Variants in KCNQ1 observed in about 807,000 individuals in gnomAD.
The protein encoded by KCNQ1 is potassium voltage-gated channel subfamily KQT member 1.
A neutral mutation model predicts 72.4 loss-of-function variants in KCNQ1; 49 were observed. The observed-to-expected ratio is 0.68, with a 90% CI of 0.54 to 0.86. The LOEUF is 0.86. KCNQ1 is among the 40% of genes least tolerant of loss of function. The pLI is 0.00. For missense variants in KCNQ1, 790 were observed against 945.1 expected, an observed-to-expected ratio of 0.84 and a Z score of 2.15; for synonymous variants, 450 against 412.6, an observed-to-expected ratio of 1.09 and a Z score of -1.10.
chr11:2,778,330 T>A (rs1846750469), intron 15 of KCNQ1, among the ~76,000 whole-genome samples: 1 of 152,220 alleles, frequency 6.6e-6, no homozygotes, highest in South Asian at 2.1e-4. Flanking sequence ...TCTTTCCCGC[T>A]GCCTCTCGTA....
In KCNQ1 at chr11:2,571,311, C is replaced by T. The variant is rs1284195790; in HGVS notation, c.605-14C>T. On this transcript the variant is annotated splice_polypyrimidine_tract_variant and intron_variant, in intron 3 of 15. Coordinates refer to ENST00000155840, the MANE Select transcript of KCNQ1 (RefSeq NM_000218.3). ...GGCGATCACGAAAAGCTCCCCCTCT[C>T]CTGCACTCCACAGACCTCATCGTGG... The T allele has an allele frequency of 6.2e-7, 1 of 1,611,068 alleles. No individual in the cohort carries two copies. Among genetic ancestry groups the T allele is most frequent in the Non-Finnish European group, 8.5e-7 (1 of 1,177,932 alleles).
At chr11:2,472,175 G>A (rs1366178341) in intron 1 of KCNQ1, among the ~76,000 whole-genome samples, 4 of 150,598 alleles carry the variant, frequency 2.7e-5, no homozygotes, top group Non-Finnish European at 4.4e-5. Context: ...GTGCACCTTT[G>A]TGTGTATATG....
At chr11:2,573,052 G>T in intron 6 of KCNQ1, 66 bp downstream of exon 6, 1 of 1,564,546 alleles carries the variant, frequency 6.4e-7, no homozygotes, top group South Asian at 1.2e-5. Context: ...CAGGACATCT[G>T]GGCACTGGTG....
At chr11:2,778,139 C>T in intron 15 of KCNQ1, 102 bp downstream of exon 15, 1 of 1,140,114 alleles carries the variant, frequency 8.8e-7, no homozygotes, top group Non-Finnish European at 1.3e-6. Flanking sequence ...TGCAGGCCTC[C>T]CCACCTTCCC....
rs766788451 is a variant in KCNQ1 at position 2,468,578 on chromosome 11, C to A, written c.386+23094C>A. On this transcript the variant is annotated intron_variant, in intron 1 of 15. Transcript: ENST00000155840. This position sits in a 1 kb window ranked among gnomAD's most constrained non-coding sequence, Gnocchi z 5.7. ...GTGGGCACACCCATCACCCTCACAGCGTCCCCCTGTCCCCACGACCAGGCC... is the reference window on the plus strand; with the variant it reads ...GTGGGCACACCCATCACCCTCACAGAGTCCCCCTGTCCCCACGACCAGGCC... Among the ~76,000 whole-genome samples, 2 of 152,208 alleles carry A rather than the reference C, an allele frequency of 1.3e-5. 1 individual carries two copies. The highest frequency in any genetic ancestry group is 4.1e-4 in the South Asian group (2 of 4,834).
In KCNQ1 at chr11:2,782,046, T is replaced by G. The variant is rs1242390552; in HGVS notation, c.1794+4009T>G. ...GCCCAGCCTCCCAGAATTGGGTGTT[T>G]GCCCCCAGACACTGCTACCCTTTCC... On this transcript the variant is annotated intron_variant, in intron 15 of 15. Transcript: ENST00000155840. This position sits in a 1 kb window ranked among gnomAD's most constrained non-coding sequence, Gnocchi z 6.1. Among the ~76,000 whole-genome samples the G allele has an allele frequency of 1.3e-5, 2 of 152,138 alleles. No homozygotes were observed. The highest frequency in any genetic ancestry group is 4.8e-5 in the African/African-American group (2 of 41,426).
chr11:2,641,148 T>C, intron 10 of KCNQ1: 3 of 398,544 alleles, frequency 7.5e-6, no homozygotes, highest in Non-Finnish European at 1.3e-5. Context: ...GGTACATTTT[T>C]AGTATACTGA....
At chr11:2,499,727 A>C (rs557139698) in intron 1 of KCNQ1, among the ~76,000 whole-genome samples, 105 of 152,344 alleles carry the variant, frequency 6.9e-4, no homozygotes, top group African/African-American at 2.4e-3. Flanking sequence ...AAAGAAGGTC[A>C]TTACATCATG....
rs1235761820 is a variant in KCNQ1, at chr11:2,782,333, T to C, written c.1794+4296T>C. On this transcript the variant is annotated intron_variant, in intron 15 of 15. Coordinates refer to ENST00000155840, the MANE Select transcript of KCNQ1 (RefSeq NM_000218.3). The surrounding 1 kb of genome is among the most constrained non-coding windows in gnomAD (Gnocchi z 6.1). ...TTATTTCTTAAACACTGCTGAAATC[T>C]CACTTACTAATATTTAATATATCAG... Among the ~76,000 whole-genome samples the C allele has an allele frequency of 6.6e-6, 1 of 152,202 alleles. No homozygotes were observed. Among genetic ancestry groups the C allele is most frequent in the Non-Finnish European group, 1.5e-5 (1 of 68,036 alleles).
rs985201690 is a variant in KCNQ1 at position 2,703,911 on chromosome 11, C to T, written c.1514+41830C>T. 6.6e-6 allele frequency among the ~76,000 whole-genome samples: 1 copy of T among 152,174 alleles called. No homozygotes were observed. Among genetic ancestry groups the T allele is most frequent in the Non-Finnish European group, 1.5e-5 (1 of 68,038 alleles). On this transcript the variant is annotated intron_variant, in intron 11 of 15. Transcript: ENST00000155840. The surrounding 1 kb of genome is among the most constrained non-coding windows in gnomAD (Gnocchi z 6.4). ...TGAGAGGCCCAGGGCCACGTGGCAGCCTCCGCAGTCCATCTGAAGAAAGGC... is the reference window on the plus strand; with the variant it reads ...TGAGAGGCCCAGGGCCACGTGGCAGTCTCCGCAGTCCATCTGAAGAAAGGC...
chr11:2,628,490 T>C, intron 10 of KCNQ1: 3 of 398,384 alleles, frequency 7.5e-6, no homozygotes, highest in Non-Finnish European at 8.9e-6. Flanking sequence ...ATTAATTGGG[T>C]TATTAAGTTT....
At chr11:2,489,212 G>A (rs536341225) in intron 1 of KCNQ1, among the ~76,000 whole-genome samples, 2 of 152,332 alleles carry the variant, frequency 1.3e-5, no homozygotes, top group South Asian at 4.1e-4. Context: ...CAGCTATGTG[G>A]CATGGAGAGA....
chr11:2,521,302 C>T (rs960250629), intron 1 of KCNQ1, among the ~76,000 whole-genome samples: 19 of 152,300 alleles, frequency 1.2e-4, no homozygotes, highest in African/African-American at 4.6e-4. Context: ...CCCTCGGCCC[C>T]GCTGTCCGCT....
chr11:2,451,824 G>A lies in KCNQ1; in HGVS notation c.386+6340G>A, dbSNP rs907945271. On this transcript the variant is annotated intron_variant, in intron 1 of 15. Transcript: ENST00000155840. The surrounding 1 kb of genome is among the most constrained non-coding windows in gnomAD (Gnocchi z 6.4). ...CTTACAGATGAGACAACTAGGCCTGGCCACTTTGCTCATGCCACACCCAGA... is the reference window on the plus strand; with the variant it reads ...CTTACAGATGAGACAACTAGGCCTGACCACTTTGCTCATGCCACACCCAGA... Among the ~76,000 whole-genome samples the A allele has an allele frequency of 2.0e-5, 3 of 152,258 alleles. No individual in the cohort carries two copies. Among genetic ancestry groups the A allele is most frequent in the East Asian group, 3.9e-4 (2 of 5,168 alleles).
chr11:2,489,052 A>G, intron 1 of KCNQ1, among the ~76,000 whole-genome samples: 1 of 152,090 alleles, frequency 6.6e-6, no homozygotes, highest in East Asian at 1.9e-4. Flanking sequence ...AAATTTGAGA[A>G]CTATCTACAC....
At position 2,541,003 on chromosome 11, in the gene KCNQ1, A is replaced by G. The variant is rs555951377; in HGVS notation, c.477+12985A>G. ...CACACGCACAGACATATGTGCACGG[A>G]TGGGCGTGTGGACGTATGCACACAT... On this transcript the variant is annotated intron_variant, in intron 2 of 15. Transcript: ENST00000155840. This position sits in a 1 kb window ranked among gnomAD's most constrained non-coding sequence, Gnocchi z 4.8. Among the ~76,000 whole-genome samples the G allele has an allele frequency of 4.7e-4, 72 of 152,356 alleles. No homozygotes were observed. The highest frequency in any genetic ancestry group is 9.7e-4 in the Non-Finnish European group (66 of 68,026).
At chr11:2,619,189 T>G in intron 10 of KCNQ1, 1 of 398,360 alleles carries the variant, frequency 2.5e-6, no homozygotes, top group East Asian at 3.6e-5. Flanking sequence ...TCTGTTTGGT[T>G]GTACTAGTAC....
At chr11:2,798,713 G>A (rs1238183310) in intron 15 of KCNQ1, among the ~76,000 whole-genome samples, 3 of 152,198 alleles carry the variant, frequency 2.0e-5, no homozygotes, top group African/African-American at 7.2e-5. Flanking sequence ...CTTGCAGCGA[G>A]ACAAATGTGA....
intron 11 of KCNQ1, chr11:2,675,892 T>G (rs1850285203): frequency 2.5e-6 from 1 of 398,688 alleles, no homozygotes; most frequent in South Asian, 1.3e-4. Flanking sequence ...GCTTTATGTA[T>G]TCAAGGGTTG....
Sources: allele counts gnomAD v4.1 joint callset (sites outside exome capture counted in the v4.1 genomes callset), GRCh38; gene constraint gnomAD v4.1.1; non-coding constraint Gnocchi (gnomAD v3.1); transcripts MANE v1.5; gene names NCBI Gene and HGNC (gene_info 2026-07-23, HGNC 2026-07-21).